Variants in POMT1 observed in about 807,000 individuals in gnomAD.
POMT1 encodes protein O-mannosyl-transferase 1.
A neutral mutation model predicts 101.6 loss-of-function variants in POMT1; 85 were observed. That is an observed-to-expected ratio of 0.84 (90% CI 0.70 to 1.00). The LOEUF (loss-of-function observed/expected upper bound fraction) is 1.00, where lower values mean the gene tolerates loss of function less well. POMT1 is among the 50% of genes least tolerant of loss of function. The pLI is 0.00. For synonymous variants in POMT1, 371 were observed against 383.0 expected (o/e 0.97, Z 0.37); for missense variants, 857 against 930.4 (o/e 0.92, Z 1.03).
intron 5 of POMT1, 53 bp from the exon 6 acceptor site, chr9:131,508,858 A>G: frequency 2.3e-6 from 3 of 1,286,292 alleles, no homozygotes; most frequent in East Asian, 2.3e-5. Flanking sequence ...TTTCATCCTC[A>G]TACGTTTTCC....
At chr9:131,509,101 CT>C in intron 6 of POMT1, 79 bp downstream of exon 6, 7 of 1,046,888 alleles carry the variant, frequency 6.7e-6, no homozygotes, top group South Asian at 1.3e-5. Context: ...GGTCCAGTAC[CT>C]TTTTTTGTTT....
intron 17 of POMT1, 101 bp from the exon 18 acceptor site, chr9:131,521,245 G>A: frequency 6.5e-7 from 1 of 1,549,470 alleles, no homozygotes; most frequent in Admixed American, 1.7e-5. Flanking sequence ...TTTTCACTCT[G>A]CTAAAGTAGT....
At chr9:131,512,157 T>A (rs949923630) in intron 11 of POMT1, 21 bp downstream of exon 11, 2 of 1,612,050 alleles carry the variant, frequency 1.2e-6, no homozygotes, top group African/African-American at 2.7e-5. Context: ...GTCCTGTGAC[T>A]CCAGAGCAGA....
chr9:131,520,548 C>T (rs1440618900), intron 17 of POMT1, among the ~76,000 whole-genome samples: 1 of 152,244 alleles, frequency 6.6e-6, no homozygotes, highest in Non-Finnish European at 1.5e-5. Context: ...CTCCACCCGG[C>T]AGAGTGAAAG....
At chr9:131,513,845 C>T (rs946719561) in intron 12 of POMT1, among the ~76,000 whole-genome samples, 1 of 152,178 alleles carries the variant, frequency 6.6e-6, no homozygotes, top group Non-Finnish European at 1.5e-5. Flanking sequence ...ACTGCTCTCT[C>T]CACCGCCTCC....
At position 131,518,903 on chromosome 9, in the gene POMT1, C is replaced by T. The variant is rs763756593; in HGVS notation, c.1432C>T (p.Arg478Trp). Residue 478 changes from arginine (R) to tryptophan (W), a missense_variant, in exon 15 of 20, where the codon CGG becomes TGG. Physicochemically the swap from Arg to Trp is moderately radical, Grantham distance 101. Coordinates refer to ENST00000402686, the MANE Select transcript of POMT1 (RefSeq NM_001077365.2). ...GGAGATCGTCGGGGAGAAGCTGTCC[C>T]GGGGCTACCACGGGAGCACGGTGTG... The part of the protein sequence containing the change: ...QLEIVGEKLS[R>W]GYHGSTVWNV... The T allele has an allele frequency of 3.0e-5, 48 of 1,613,842 alleles. No individual in the cohort carries two copies. Among genetic ancestry groups the T allele is most frequent in the South Asian group, 1.9e-4 (17 of 91,084 alleles).
rs202099500 is a variant in POMT1, at chr9:131,513,859, TC to T, written c.1175+530del. On this transcript the variant is annotated intron_variant, in intron 12 of 19. Coordinates refer to ENST00000402686, the MANE Select transcript of POMT1 (RefSeq NM_001077365.2). ...GACTGCTCTCTCCACCGCCTCCTTT[TC>T]CTCTGTTGCTCTCAGTCTCTGAGGG... Among the ~76,000 whole-genome samples, 1,116 of 152,312 alleles carry T rather than the reference TC, an allele frequency of 7.3e-3. 9 individuals are homozygous for T. Among genetic ancestry groups the T allele is most frequent in the Middle Eastern group, 0.024 (7 of 294 alleles).
At position 131,518,432 on chromosome 9, in the gene POMT1, T is replaced by C. The variant is rs1949201246; in HGVS notation, c.1273-13T>C. 1 of 1,600,710 alleles carries C rather than the reference T, an allele frequency of 6.2e-7. No individual in the cohort carries two copies. Among genetic ancestry groups the C allele is most frequent in the Non-Finnish European group, 8.6e-7 (1 of 1,167,994 alleles). ...AAAAGGAATGAAATAATCCTTGAGA[T>C]GTCTTTTTGCAGGAAATTGTGAACA... is the stretch of plus-strand genomic sequence containing the variant. On this transcript the variant is annotated splice_polypyrimidine_tract_variant and intron_variant, in intron 13 of 19. Transcript: ENST00000402686.
Position 131,520,085 on chromosome 9 carries a change from G to T in POMT1, c.1590G>T (p.Arg530Ser). 1 of 1,613,602 alleles carries T rather than the reference G, an allele frequency of 6.2e-7. No homozygotes were observed. The highest frequency in any genetic ancestry group is 8.5e-7 in the Non-Finnish European group (1 of 1,179,902). The change falls in exon 17 of 20, where the codon AGG (arginine) becomes AGT (serine). Residue 530 changes from arginine (R) to serine (S), a missense_variant. Coordinates refer to ENST00000402686, the MANE Select transcript of POMT1 (RefSeq NM_001077365.2). ...FMARFSELQW[R>S]MLALRSDDSE... ...AGGCCTCTGCTTTGTTCCAGTGGAGGATGCTGGCGCTGAGAAGTGATGACT... is the reference window on the plus strand; with the variant it reads ...AGGCCTCTGCTTTGTTCCAGTGGAGTATGCTGGCGCTGAGAAGTGATGACT...
At position 131,510,100 on chromosome 9, in the gene POMT1, A is replaced by G. The variant is rs543486566; in HGVS notation, c.699+104A>G. 5.2e-5 allele frequency: 84 copies of G among 1,613,952 alleles called. 2 individuals are homozygous for G. In the Middle Eastern group the frequency reaches 8.3e-4, roughly 16 times the overall value. On this transcript the variant is annotated intron_variant, in intron 8 of 19. Coordinates refer to ENST00000402686, the MANE Select transcript of POMT1 (RefSeq NM_001077365.2). ...AAGACTCCAATCCTCAATGTTTTAG[A>G]AGCAGGCAGGCCTGGGCAGCCTCGC...
intron 5 of POMT1, among the ~76,000 whole-genome samples, chr9:131,508,633 A>G (rs1298267046): frequency 6.6e-6 from 1 of 152,224 alleles, no homozygotes; most frequent in Non-Finnish European, 1.5e-5. Flanking sequence ...CTGGTGGTCA[A>G]AGCTGCAGTG....
intron 2 of POMT1, 34 bp downstream of exon 2, chr9:131,504,374 T>C (rs779144244): frequency 6.2e-7 from 1 of 1,614,098 alleles, no homozygotes; most frequent in South Asian, 1.1e-5. Context: ...AGGGTGAATC[T>C]AGAATTGTAC....
rs1950326057 is a variant in POMT1 at position 131,523,290 on chromosome 9, CAA to C, written c.*186_*187del. Reference sequence around the variant, plus strand: ...TCTCTGATGAGCACCTCCTTTTGTGCAAAGTTAATTTTTTCTCGACAATAAAG... The same window carrying C: ...TCTCTGATGAGCACCTCCTTTTGTGCAGTTAATTTTTTCTCGACAATAAAG... On this transcript the variant is annotated 3_prime_UTR_variant, in exon 20 of 20. Transcript: ENST00000402686. 6 of 692,850 alleles carry C rather than the reference CAA, an allele frequency of 8.7e-6. No homozygotes were observed. The highest frequency in any genetic ancestry group is 1.8e-5 in the South Asian group (1 of 55,532). 42.9% of individuals were successfully genotyped at this position (692,850 alleles called of 1,614,324 possible). A position where few individuals can be genotyped will look rare whatever the true frequency, so the allele number is the denominator to read the frequency against.
rs1366898427 is a variant in POMT1, at chr9:131,521,478, T to C, written c.1825+6T>C. 3.1e-6 allele frequency: 5 copies of C among 1,613,664 alleles called. No individual in the cohort carries two copies. The highest frequency in any genetic ancestry group is 2.2e-5 in the East Asian group (1 of 44,890). ...TGTCCATGACCTCCCTCAGGGTTAG[T>C]ACCTCTCCCACATGGCTTTCTTTCT... On this transcript the variant is annotated splice_donor_region_variant and intron_variant, in intron 18 of 19. Transcript: ENST00000402686.
chr9:131,510,166 T>A lies in POMT1; in HGVS notation c.700-94T>A, dbSNP rs1321404619. 3.3e-6 allele frequency: 4 copies of A among 1,219,666 alleles called. No homozygotes were observed. In the Admixed American group the frequency reaches 6.0e-5, roughly 18 times the overall value. 75.6% of individuals were successfully genotyped at this position (1,219,666 alleles called of 1,614,324 possible). The stretch of plus-strand genomic sequence containing the variant: ...GGTGCCTCTGTATGGGAGGCCAGAG[T>A]TTCTGTCACTAACTTTTTCTAAGCT... On this transcript the variant is annotated intron_variant, in intron 8 of 19. Transcript: ENST00000402686.
intron 10 of POMT1, 160 bp from the exon 11 acceptor site, chr9:131,511,881 T>G: frequency 1.4e-6 from 1 of 730,754 alleles, no homozygotes; most frequent in Non-Finnish European, 2.3e-6. Context: ...TTTCTTTTCT[T>G]TTTCTCATAA....
Position 131,513,343 on chromosome 9 carries a change from C to A in POMT1, c.1175+12C>A. The A allele has an allele frequency of 6.2e-7, 1 of 1,606,940 alleles. No homozygotes were observed. On this transcript the variant is annotated intron_variant, in intron 12 of 19. Transcript: ENST00000402686. ...CGCTCCCTGAACACGTGAGTGTGCC[C>A]GCCGTCTGCTCTGCTGCACCTGTGG... is the stretch of plus-strand genomic sequence containing the variant.
Position 131,510,258 on chromosome 9 carries a change from A to G in POMT1, c.700-2A>G, listed in dbSNP as rs1205172165. 6.2e-7 allele frequency: 1 copy of G among 1,614,200 alleles called. No homozygotes were observed. Among genetic ancestry groups the G allele is most frequent in the Non-Finnish European group, 8.5e-7 (1 of 1,180,040 alleles). On this transcript the variant is annotated splice_acceptor_variant, in intron 8 of 19. Coordinates refer to ENST00000402686, the MANE Select transcript of POMT1 (RefSeq NM_001077365.2). LOFTEE classifies it high-confidence loss of function. Reference sequence around the variant, plus strand: ...CATGACTTTTCTTTGAATCTCTGGCAGGTCTGTGTGTTCTGTCACTTGCTC... The same window carrying G: ...CATGACTTTTCTTTGAATCTCTGGCGGGTCTGTGTGTTCTGTCACTTGCTC...
At position 131,506,184 on chromosome 9, in the gene POMT1, G is replaced by A. The variant is rs119462983; in HGVS notation, c.193G>A (p.Gly65Arg). Residue 65 changes from glycine (G) to arginine (R), a missense_variant, in exon 3 of 20, where the codon GGG becomes AGG. Transcript: ENST00000402686. ...ACAAATCTTCTTCTTGGATGACAGT[G>A]GGCCGCCATTTGGCCACATGGTGCT... ...MKQIFFLDDS[G>R]PPFGHMVLAL... 4 of 1,613,994 alleles carry A rather than the reference G, an allele frequency of 2.5e-6. No homozygotes were observed. Among genetic ancestry groups the A allele is most frequent in the Non-Finnish European group, 2.5e-6 (3 of 1,180,020 alleles).
Sources: allele counts gnomAD v4.1 joint callset (sites outside exome capture counted in the v4.1 genomes callset), GRCh38; gene constraint gnomAD v4.1.1; transcripts MANE v1.5; gene names NCBI Gene and HGNC (gene_info 2026-07-23, HGNC 2026-07-21).